PRKG1: variants seen among roughly 807,000 people sequenced by gnomAD.
The protein encoded by PRKG1 is protein kinase cGMP-dependent 1.
Under a neutral mutation model 88.1 loss-of-function variants are expected in PRKG1, and 35 were observed. The ratio of observed to expected loss-of-function variants is 0.40; its 90% CI spans 0.30 to 0.53. PRKG1 has a LOEUF of 0.53. Ranked by LOEUF, PRKG1 falls within the 20% of genes least tolerant of loss-of-function variation. The pLI, the probability that PRKG1 is intolerant of heterozygous loss-of-function variation, is 0.59. For synonymous variants in PRKG1, 303 were observed against 292.5 expected, an observed-to-expected ratio of 1.04 and a Z score of -0.37; for missense variants, 540 against 839.8, an observed-to-expected ratio of 0.64 and a Z score of 4.41.
At chr10:51,049,903 A>G (rs1843540662) in intron 1 of PRKG1, among the ~76,000 whole-genome samples, 1 of 152,146 alleles carries the variant, frequency 6.6e-6, no homozygotes, top group African/African-American at 2.4e-5. Context: ...CTAGGTTGCA[A>G]ACATTGTAAT....
chr10:51,635,513 C>G (rs1839635949), intron 3 of PRKG1, among the ~76,000 whole-genome samples: 1 of 151,966 alleles, frequency 6.6e-6, no homozygotes, highest in Non-Finnish European at 1.5e-5. Flanking sequence ...GGCCAAAACT[C>G]ACTTGTGGGT....
At chr10:52,064,308 G>A (rs765369374) in intron 7 of PRKG1, among the ~76,000 whole-genome samples, 11 of 152,204 alleles carry the variant, frequency 7.2e-5, no homozygotes, top group Non-Finnish European at 1.0e-4. Context: ...ACACCTGGCC[G>A]GACTGTGACA....
At chr10:51,888,767 TTCTG>T (rs1306012975) in intron 4 of PRKG1, among the ~76,000 whole-genome samples, 3 of 152,216 alleles carry the variant, frequency 2.0e-5, no homozygotes. Context: ...GTCTTAAAGT[TTCTG>T]TCTCTTCATT....
intron 3 of PRKG1, among the ~76,000 whole-genome samples, chr10:51,596,643 G>A (rs1838456078): frequency 6.6e-6 from 1 of 152,036 alleles, no homozygotes; most frequent in South Asian, 2.1e-4. Flanking sequence ...TTGAGATGTT[G>A]TCCAGCGTAG....
chr10:52,291,226 G>A (rs1239025595), intron 17 of PRKG1, among the ~76,000 whole-genome samples: 1 of 147,476 alleles, frequency 6.8e-6, no homozygotes, highest in Non-Finnish European at 1.5e-5. Context: ...GGGCCTACGT[G>A]ATCACTCTTT....
intron 1 of PRKG1, among the ~76,000 whole-genome samples, chr10:51,024,886 C>T (rs1232071190): frequency 6.6e-6 from 1 of 152,138 alleles, no homozygotes; most frequent in Non-Finnish European, 1.5e-5. Flanking sequence ...CACCAGGCCC[C>T]ACCTCCAACA....
intron 1 of PRKG1, among the ~76,000 whole-genome samples, chr10:51,054,431 T>C (rs1311686593): frequency 6.6e-6 from 1 of 152,208 alleles, no homozygotes; most frequent in African/African-American, 2.4e-5. Flanking sequence ...TGATGCTGCA[T>C]AGTTATATAA....
intron 7 of PRKG1, among the ~76,000 whole-genome samples, chr10:52,064,999 C>T (rs1279751567): frequency 6.6e-6 from 1 of 152,150 alleles, no homozygotes; most frequent in Non-Finnish European, 1.5e-5. Context: ...ATGGGATAGG[C>T]TGTGAAGGCT....
chr10:52,099,274 A>G (rs980387054), intron 7 of PRKG1, among the ~76,000 whole-genome samples: 2 of 152,200 alleles, frequency 1.3e-5, no homozygotes, highest in African/African-American at 4.8e-5. Context: ...TGGAGAGGAA[A>G]ATGGTAGAAC....
chr10:52,137,819 G>A (rs1423963021), intron 8 of PRKG1, among the ~76,000 whole-genome samples: 3 of 151,990 alleles, frequency 2.0e-5, no homozygotes, highest in Non-Finnish European at 4.4e-5. Context: ...GCATGAATAT[G>A]GAAGGCTGAC....
chr10:51,343,843 C>G (rs1163011966), intron 2 of PRKG1, among the ~76,000 whole-genome samples: 1 of 152,102 alleles, frequency 6.6e-6, no homozygotes, highest in Non-Finnish European at 1.5e-5. Flanking sequence ...TTTGTATCAC[C>G]AGTAATGTGC....
intron 1 of PRKG1, among the ~76,000 whole-genome samples, chr10:51,007,241 G>A (rs375265381): frequency 5.9e-5 from 9 of 152,178 alleles, no homozygotes; most frequent in East Asian, 3.9e-4. Flanking sequence ...CACTGCGTCC[G>A]GCTGGGCCTG....
At chr10:51,428,717 A>G (rs1013491852) in intron 2 of PRKG1, among the ~76,000 whole-genome samples, 3 of 152,174 alleles carry the variant, frequency 2.0e-5, no homozygotes, top group Admixed American at 1.3e-4. Flanking sequence ...CTCAGTTGCT[A>G]AAGAGGACTG....
chr10:52,127,373 T>G (rs184948829), intron 7 of PRKG1, among the ~76,000 whole-genome samples: 5 of 152,146 alleles, frequency 3.3e-5, no homozygotes, highest in Admixed American at 1.3e-4. Context: ...GAGGTAAAAG[T>G]TAGAAATGAA....
At chr10:51,618,699 G>A (rs1839128531) in intron 3 of PRKG1, among the ~76,000 whole-genome samples, 1 of 152,116 alleles carries the variant, frequency 6.6e-6, no homozygotes, top group African/African-American at 2.4e-5. Context: ...AATGTTTTAA[G>A]TAAGGAAGTA....
Position 51,368,610 on chromosome 10 carries a change from G to A in PRKG1, c.479-99113G>A, listed in dbSNP as rs186025856. ...CTAATTTAAAATTACAGAGTGACAT[G>A]GGATGACAAAAGAGAGTGAAATGTT... is the stretch of plus-strand genomic sequence containing the variant. On this transcript the variant is annotated intron_variant, in intron 2 of 17. Transcript: ENST00000373980. Among the ~76,000 whole-genome samples the A allele has an allele frequency of 1.2e-3, 187 of 152,136 alleles. 2 individuals carry two copies. The highest frequency in any genetic ancestry group is 2.4e-3 in the Non-Finnish European group (160 of 67,984).
At position 51,177,653 on chromosome 10, in the gene PRKG1, C is replaced by T. The variant is rs139691342; in HGVS notation, c.478+24323C>T. Among the ~76,000 whole-genome samples, 743 of 152,140 alleles carry T rather than the reference C, an allele frequency of 4.9e-3. 9 individuals are homozygous for T. The highest frequency in any genetic ancestry group is 0.017 in the African/African-American group (689 of 41,494). On this transcript the variant is annotated intron_variant, in intron 2 of 17. Coordinates refer to ENST00000373980, the MANE Select transcript of PRKG1 (RefSeq NM_006258.4). ...TAATTGTGAATTATTGTTATTCCAA[C>T]TCTATGGAAATGGAATATCATATAC...
intron 9 of PRKG1, among the ~76,000 whole-genome samples, chr10:52,243,945 T>C (rs1310593686): frequency 6.6e-6 from 1 of 152,142 alleles, no homozygotes; most frequent in African/African-American, 2.4e-5. Flanking sequence ...GAAAAGTCTA[T>C]TTCTGAAAAC....
intron 3 of PRKG1, among the ~76,000 whole-genome samples, chr10:51,543,671 T>A (rs1816304994): frequency 6.6e-6 from 1 of 152,216 alleles, no homozygotes; most frequent in Non-Finnish European, 1.5e-5. Context: ...TGTGAACACC[T>A]GCTCTGCTGT....
Sources: allele counts gnomAD v4.1 joint callset (sites outside exome capture counted in the v4.1 genomes callset), GRCh38; gene constraint gnomAD v4.1.1; transcripts MANE v1.5; gene names NCBI Gene and HGNC (gene_info 2026-07-23, HGNC 2026-07-21).